NCOA1: variants seen among roughly 807,000 people sequenced by gnomAD.
The protein encoded by NCOA1 is nuclear receptor coactivator 1.
In NCOA1, 35 loss-of-function variants were observed where a neutral mutation model predicts 150.9. That is an observed-to-expected ratio of 0.23 (90% confidence interval 0.18 to 0.31). The LOEUF is 0.31. NCOA1 is among the 10% of genes least tolerant of loss of function. NCOA1 has a pLI of 1.00. For synonymous variants in NCOA1, 590 were observed against 630.0 expected (o/e 0.94, Z 0.95); for missense variants, 1,491 against 1,749.3 (o/e 0.85, Z 2.63).
At chr2:24,652,471 G>T (rs1376847770) in intron 4 of NCOA1, among the ~76,000 whole-genome samples, 1 of 151,870 alleles carries the variant, frequency 6.6e-6, no homozygotes, top group Non-Finnish European at 1.5e-5. Context: ...ATGCTTCTTC[G>T]TGCTAACTGC....
chr2:24,570,051 C>CTTT (rs71397440), intron 2 of NCOA1, among the ~76,000 whole-genome samples: 6 of 122,124 alleles, frequency 4.9e-5, no homozygotes, highest in Admixed American at 1.7e-4. Context: ...GTGGTATATA[C>CTTT]TTTTTTTTTT....
In NCOA1 at chr2:24,691,970, T is replaced by C. The variant is rs979913499; in HGVS notation, c.712+310T>C. Among the ~76,000 whole-genome samples, 3 of 152,320 alleles carry C rather than the reference T, an allele frequency of 2.0e-5. 1 individual carries two copies. The highest frequency in any genetic ancestry group is 2.0e-4 in the Admixed American group (3 of 15,300). On this transcript the variant is annotated intron_variant, in intron 9 of 22. Transcript: ENST00000348332. ...GTAACTAACTGCTGCCAGTTGGAAATGTACCAGATGCAGCAGACTGTTGAA... is the reference window on the plus strand; with the variant it reads ...GTAACTAACTGCTGCCAGTTGGAAACGTACCAGATGCAGCAGACTGTTGAA...
chr2:24,652,997 C>T (rs149167768), intron 4 of NCOA1, among the ~76,000 whole-genome samples: 233 of 152,270 alleles, frequency 1.5e-3, no homozygotes, highest in Middle Eastern at 6.8e-3. Flanking sequence ...CAGAATCATA[C>T]TATCAGCAAA....
At chr2:24,589,519 C>T (rs1299803947) in intron 3 of NCOA1, among the ~76,000 whole-genome samples, 1 of 152,080 alleles carries the variant, frequency 6.6e-6, no homozygotes, top group African/African-American at 2.4e-5. Context: ...AGGGAGATGC[C>T]AGAGCTGATC....
chr2:24,504,852 C>T (rs1663622174), intron 1 of NCOA1, among the ~76,000 whole-genome samples: 2 of 152,166 alleles, frequency 1.3e-5, no homozygotes, highest in South Asian at 4.1e-4. Flanking sequence ...GGCTTAGATA[C>T]TTTTGGAGAC....
intron 5 of NCOA1, among the ~76,000 whole-genome samples, chr2:24,664,535 C>G (rs1283259466): frequency 6.6e-6 from 1 of 152,054 alleles, no homozygotes; most frequent in African/African-American, 2.4e-5. Flanking sequence ...ATGGTGAAAC[C>G]CCGTCTCTAC....
chr2:24,716,551 CT>C (rs1674057242), intron 14 of NCOA1, among the ~76,000 whole-genome samples: 1 of 152,086 alleles, frequency 6.6e-6, no homozygotes, highest in African/African-American at 2.4e-5. Context: ...AAAAAATGAA[CT>C]TATTTTGAGT....
At chr2:24,634,823 C>T (rs944988805) in intron 3 of NCOA1, among the ~76,000 whole-genome samples, 7 of 151,458 alleles carry the variant, frequency 4.6e-5, no homozygotes, top group African/African-American at 1.5e-4. Context: ...GCAATCCTCC[C>T]GTTTCAGCCC....
At chr2:24,511,812 T>C (rs1663945891) in intron 1 of NCOA1, among the ~76,000 whole-genome samples, 1 of 152,180 alleles carries the variant, frequency 6.6e-6, no homozygotes, top group Non-Finnish European at 1.5e-5. Context: ...GTCACAAAAA[T>C]TTATGTCTTT....
At chr2:24,553,264 G>A (rs1054925570) in intron 1 of NCOA1, among the ~76,000 whole-genome samples, 40 of 151,580 alleles carry the variant, frequency 2.6e-4, no homozygotes, top group Non-Finnish European at 8.8e-5. Context: ...CTGTCGCCCA[G>A]GCTGGAGTGC....
chr2:24,567,455 T>C (rs1666562236), intron 2 of NCOA1, among the ~76,000 whole-genome samples: 1 of 152,238 alleles, frequency 6.6e-6, no homozygotes, highest in Admixed American at 6.5e-5. Flanking sequence ...AATTATTCTG[T>C]AACTTCATTA....
At chr2:24,641,223 A>G (rs1372288722) in intron 3 of NCOA1, among the ~76,000 whole-genome samples, 1 of 151,538 alleles carries the variant, frequency 6.6e-6, no homozygotes, top group Non-Finnish European at 1.5e-5. Context: ...GAGCCTTGCA[A>G]CAGTGTAATT....
At chr2:24,537,568 G>A (rs1665212987) in intron 1 of NCOA1, among the ~76,000 whole-genome samples, 1 of 151,812 alleles carries the variant, frequency 6.6e-6, no homozygotes, top group Non-Finnish European at 1.5e-5. Context: ...ACCACAGGTG[G>A]GATGTTGGGG....
At chr2:24,659,031 C>T (rs2148492500) in intron 5 of NCOA1, 1 of 358,678 alleles carries the variant, frequency 2.8e-6, no homozygotes, top group Middle Eastern at 8.3e-4. Flanking sequence ...CCTTCTCTTC[C>T]TTCCATAACT....
intron 1 of NCOA1, among the ~76,000 whole-genome samples, chr2:24,545,434 C>T (rs867636671): frequency 6.7e-6 from 1 of 149,690 alleles, no homozygotes; most frequent in Non-Finnish European, 1.5e-5. Context: ...TAAGTCCACA[C>T]TGATTAAAAT....
intron 7 of NCOA1, among the ~76,000 whole-genome samples, chr2:24,681,471 ATCACGTCATTTTCAGTG>A (rs1558899562): frequency 2.8e-5 from 4 of 144,854 alleles, no homozygotes; most frequent in Non-Finnish European, 5.9e-5. Context: ...CATTTTCAGT[ATCACGTCATTTTCAGTG>A]TCACGACATT....
chr2:24,679,799 A>G (rs1320389726), intron 7 of NCOA1, among the ~76,000 whole-genome samples: 1 of 152,186 alleles, frequency 6.6e-6, no homozygotes, highest in Non-Finnish European at 1.5e-5. Context: ...TTTAAAGATT[A>G]TTAATCACGT....
At chr2:24,753,903 A>G (rs1356286262) in intron 20 of NCOA1, among the ~76,000 whole-genome samples, 1 of 152,090 alleles carries the variant, frequency 6.6e-6, no homozygotes, top group Non-Finnish European at 1.5e-5. Context: ...CAATATCTCC[A>G]CTTATAAGTC....
chr2:24,533,078 C>G (rs894675361), intron 1 of NCOA1, among the ~76,000 whole-genome samples: 2 of 152,194 alleles, frequency 1.3e-5, no homozygotes, highest in African/African-American at 4.8e-5. Flanking sequence ...TTCTTCCTAT[C>G]CATGAGCATG....
Sources: gnomAD v4.1 joint callset for allele counts (sites outside exome capture counted in the v4.1 genomes callset) on GRCh38, gnomAD v4.1.1 for gene constraint, MANE v1.5 for transcripts, NCBI Gene and HGNC (gene_info 2026-07-23, HGNC 2026-07-21) for gene names.